Variants in SHANK2 observed in about 807,000 individuals in gnomAD.
SHANK2 encodes SH3 and multiple ankyrin repeat domains 2.
In SHANK2, 43 loss-of-function variants were observed where a neutral mutation model predicts 133.7. The observed-to-expected ratio is 0.32, with a 90% confidence interval of 0.25 to 0.41. The LOEUF is 0.41. Ranked by LOEUF, SHANK2 falls within the 10% of genes least tolerant of loss-of-function variation. The probability of loss-of-function intolerance (pLI) is 1.00; values close to 1 mark genes in which losing one functional copy is unlikely to be tolerated. For synonymous variants in SHANK2, 1,017 were observed against 952.8 expected, an observed-to-expected ratio of 1.07 and a Z score of -1.24; for missense variants, 1,994 against 2,235.8, an observed-to-expected ratio of 0.89 and a Z score of 2.18.
intron 14 of SHANK2, among the ~76,000 whole-genome samples, chr11:70,707,780 C>T (rs1555025271): frequency 6.6e-6 from 1 of 152,174 alleles, no homozygotes; most frequent in East Asian, 1.9e-4. Flanking sequence ...TCCAGGAATC[C>T]AGCTTGGACG....
intron 10 of SHANK2, among the ~76,000 whole-genome samples, chr11:70,953,595 G>C (rs2135906900): frequency 6.6e-6 from 1 of 152,158 alleles, no homozygotes; most frequent in Non-Finnish European, 1.5e-5. Flanking sequence ...GAGGAAGAAG[G>C]AAGCCAGGAG....
chr11:70,576,387 C>T (rs1015142976), intron 17 of SHANK2, among the ~76,000 whole-genome samples: 2 of 152,158 alleles, frequency 1.3e-5, no homozygotes, highest in Admixed American at 6.5e-5. Context: ...GTAATCCCAG[C>T]ACTTTGGGAG....
At chr11:70,782,823 A>G (rs782515024) in intron 14 of SHANK2, among the ~76,000 whole-genome samples, 10 of 152,202 alleles carry the variant, frequency 6.6e-5, no homozygotes, top group Non-Finnish European at 1.3e-4. Context: ...AATCACAACC[A>G]TATCATCATC....
At chr11:70,693,895 C>T (rs117172903) in intron 15 of SHANK2, among the ~76,000 whole-genome samples, 7,811 of 152,072 alleles carry the variant, frequency 0.051, 288 homozygotes, top group Non-Finnish European at 0.072. Context: ...TGTGGATAGA[C>T]GGACAGGTGG....
intron 3 of SHANK2, among the ~76,000 whole-genome samples, chr11:71,131,695 G>C (rs1952310461): frequency 6.6e-6 from 1 of 152,216 alleles, no homozygotes. Context: ...GCAGAGATCA[G>C]ATGCTGGCCA....
At chr11:71,143,667 C>G (rs1293053618) in intron 3 of SHANK2, among the ~76,000 whole-genome samples, 6 of 152,198 alleles carry the variant, frequency 3.9e-5, no homozygotes, top group African/African-American at 1.4e-4. Context: ...AGAAAACATG[C>G]CACAGAAGCT....
chr11:70,947,930 C>A (rs1014693413), intron 10 of SHANK2, among the ~76,000 whole-genome samples: 1 of 152,180 alleles, frequency 6.6e-6, no homozygotes, highest in Admixed American at 6.5e-5. Context: ...TGCCAAGCAA[C>A]GTGGCCCTCT....
chr11:70,600,418 C>CAAAA (rs56103044), intron 17 of SHANK2, among the ~76,000 whole-genome samples: 137 of 95,368 alleles, frequency 1.4e-3, no homozygotes, highest in Non-Finnish European at 2.1e-3. Context: ...GACTCTGTCT[C>CAAAA]AAAAAAAAAA....
intron 14 of SHANK2, among the ~76,000 whole-genome samples, chr11:70,737,783 A>C (rs564672447): frequency 6.6e-6 from 1 of 152,382 alleles, no homozygotes; most frequent in South Asian, 2.1e-4. Flanking sequence ...AAATGATTCC[A>C]GAATGAAGGC....
chr11:71,111,405 T>C (rs1951890212), intron 5 of SHANK2, among the ~76,000 whole-genome samples: 1 of 152,174 alleles, frequency 6.6e-6, no homozygotes, highest in South Asian at 2.1e-4. Flanking sequence ...GAGGTCATGA[T>C]GGTCCGCAGA....
At chr11:71,190,427 C>T (rs924877019) in intron 2 of SHANK2, among the ~76,000 whole-genome samples, 1 of 152,158 alleles carries the variant, frequency 6.6e-6, no homozygotes, top group Non-Finnish European at 1.5e-5. Flanking sequence ...CATCTCGGTA[C>T]CCGTCTGCCG....
At chr11:70,899,083 G>A (rs1949986112) in intron 10 of SHANK2, among the ~76,000 whole-genome samples, 1 of 152,204 alleles carries the variant, frequency 6.6e-6, no homozygotes, top group African/African-American at 2.4e-5. Flanking sequence ...GATGGTCTCT[G>A]CCCAAAGACT....
chr11:71,171,427 A>G (rs7945968), intron 2 of SHANK2, among the ~76,000 whole-genome samples: 101,209 of 152,018 alleles, frequency 0.67, 35,787 homozygotes, highest in East Asian at 0.87. Flanking sequence ...CATTCAGCTT[A>G]AAATGCCCCC....
At chr11:70,567,231 A>G (rs2059979127) in intron 17 of SHANK2, among the ~76,000 whole-genome samples, 1 of 152,176 alleles carries the variant, frequency 6.6e-6, no homozygotes, top group South Asian at 2.1e-4. Context: ...TCCGGTACTC[A>G]AGGGTGTGAC....
rs138883231 is a variant in SHANK2 at position 71,115,207 on chromosome 11, G to A, written c.412-1843C>T. ...ATTTTGGCCGGGCGTGGTGGCTCACGCCTGTAATCCCAGCACTTTGGGAAG... is the reference window on the plus strand; with the variant it reads ...ATTTTGGCCGGGCGTGGTGGCTCACACCTGTAATCCCAGCACTTTGGGAAG... On this transcript the variant is annotated intron_variant, in intron 4 of 25. Coordinates refer to ENST00000601538, the MANE Select transcript of SHANK2 (RefSeq NM_012309.5). 3.5e-4 allele frequency among the ~76,000 whole-genome samples: 54 copies of A among 152,202 alleles called. 1 individual carries two copies. In the East Asian group the frequency reaches 7.9e-3, roughly 22 times the overall value.
intron 17 of SHANK2, among the ~76,000 whole-genome samples, chr11:70,597,112 C>T (rs1348081153): frequency 6.6e-6 from 1 of 152,064 alleles, no homozygotes; most frequent in East Asian, 1.9e-4. Flanking sequence ...TCCCTCCAGA[C>T]TCAGGGGCGC....
Position 71,113,463 on chromosome 11 carries a change from C to T in SHANK2, c.412-99G>A, listed in dbSNP as rs982385936. ...TTTTCCTTGGCTATGTCACAGAAGA[C>T]GGGGAACCCCACAGCAAACTTCCAG... On this transcript the variant is annotated intron_variant, in intron 4 of 25. Coordinates refer to ENST00000601538, the MANE Select transcript of SHANK2 (RefSeq NM_012309.5). 111 of 1,060,100 alleles carry T rather than the reference C, an allele frequency of 1.0e-4. No individual in the cohort carries two copies. In the East Asian group the frequency reaches 1.5e-3, roughly 14 times the overall value. The allele number at this position is 1,060,100 out of a possible 1,614,324, so 65.7% of individuals were successfully genotyped here. A position where few individuals can be genotyped will look rare whatever the true frequency, so the allele number is the denominator to read the frequency against.
chr11:71,085,242 A>T (rs1951361912), intron 8 of SHANK2, among the ~76,000 whole-genome samples: 1 of 151,752 alleles, frequency 6.6e-6, no homozygotes, highest in Non-Finnish European at 1.5e-5. Context: ...AGATCACTTG[A>T]GGTCAGGAGT....
chr11:70,722,834 C>T (rs1281885209), intron 14 of SHANK2, among the ~76,000 whole-genome samples: 1 of 152,192 alleles, frequency 6.6e-6, no homozygotes, highest in Non-Finnish European at 1.5e-5. Context: ...AAAAGCAGGA[C>T]TTACGACTTA....
Sources: gnomAD v4.1 joint callset for allele counts (sites outside exome capture counted in the v4.1 genomes callset) on GRCh38, gnomAD v4.1.1 for gene constraint, MANE v1.5 for transcripts, NCBI Gene and HGNC (gene_info 2026-07-23, HGNC 2026-07-21) for gene names.